Variants in MGAT4C observed in about 807,000 individuals in gnomAD.
MGAT4C encodes alpha-1,3-mannosyl-glycoprotein 4-beta-N-acetylglucosaminyltransferase C.
A neutral mutation model predicts 40.1 loss-of-function variants in MGAT4C; 19 were observed. The observed-to-expected ratio is 0.47, with a 90% CI of 0.33 to 0.70. The LOEUF (loss-of-function observed/expected upper bound fraction) is 0.70. Ranked by LOEUF, MGAT4C falls within the 30% of genes least tolerant of loss-of-function variation. The pLI is 0.02. For synonymous variants in MGAT4C, 181 were observed against 187.1 expected, an observed-to-expected ratio of 0.97 and a Z score of 0.27; for missense variants, 491 against 563.2, an observed-to-expected ratio of 0.87 and a Z score of 1.30.
At chr12:86,831,106 C>T (rs1346031900) in intron 1 of MGAT4C, among the ~76,000 whole-genome samples, 1 of 151,720 alleles carries the variant, frequency 6.6e-6, no homozygotes, top group Admixed American at 6.6e-5. Flanking sequence ...ATTGGAAACC[C>T]ATGAAGAGTA....
chr12:86,118,060 TTGAC>T (rs1878725290), intron 1 of MGAT4C, among the ~76,000 whole-genome samples: 1 of 152,188 alleles, frequency 6.6e-6, no homozygotes, highest in African/African-American at 2.4e-5. Context: ...CAAAGTAAGT[TTGAC>T]TAACTACCTT....
chr12:86,494,014 A>T (rs2136326469), intron 2 of MGAT4C, among the ~76,000 whole-genome samples: 1 of 152,084 alleles, frequency 6.6e-6, no homozygotes, highest in African/African-American at 2.4e-5. Flanking sequence ...ATCCTATTAT[A>T]ACTATACAAT....
intron 1 of MGAT4C, among the ~76,000 whole-genome samples, chr12:86,096,990 T>C (rs1479402722): frequency 1.3e-5 from 2 of 151,622 alleles, no homozygotes; most frequent in Non-Finnish European, 3.0e-5. Context: ...ACTATACATA[T>C]GTTGTAGGTT....
rs1354304128 is a variant in MGAT4C at position 85,958,418 on chromosome 12, T to C, written c.*20871A>G. ...CTAGGCAGTCAGAAATACCTGTATCTCAAATTCATTTAACTTTTCAATGAA... is the reference window on the plus strand; with the variant it reads ...CTAGGCAGTCAGAAATACCTGTATCCCAAATTCATTTAACTTTTCAATGAA... On this transcript the variant is annotated 3_prime_UTR_variant, in exon 5 of 5. Transcript: ENST00000611864. 1.3e-5 allele frequency: 2 copies of C among 152,226 alleles called. No individual in the cohort carries two copies. The highest frequency in any genetic ancestry group is 3.9e-4 in the East Asian group (2 of 5,184). 9.4% of individuals were successfully genotyped at this position (152,226 alleles called of 1,614,324 possible).
intron 2 of MGAT4C, among the ~76,000 whole-genome samples, chr12:86,684,704 AC>A (rs1379148870): frequency 6.6e-6 from 1 of 151,988 alleles, no homozygotes; most frequent in Non-Finnish European, 1.5e-5. Flanking sequence ...TTGTTTCCTG[AC>A]TTTTTAATGA....
At chr12:86,831,145 A>G (rs899949839) in intron 1 of MGAT4C, among the ~76,000 whole-genome samples, 10 of 151,710 alleles carry the variant, frequency 6.6e-5, no homozygotes, top group African/African-American at 2.4e-5. Flanking sequence ...TGCCATGTTA[A>G]TCTTCATTTC....
In MGAT4C at chr12:86,733,390, A is replaced by G. The variant is rs561174910; in HGVS notation, c.-261-6149T>C. On this transcript the variant is annotated intron_variant, in intron 1 of 7. Coordinates refer to the MGAT4C transcript ENST00000548651. ...GGGGAAGGCACAAGGCAGCCATAGC[A>G]AGTATCCTATGATCCCCGAGTAACA... Among the ~76,000 whole-genome samples, 94 of 152,212 alleles carry G rather than the reference A, an allele frequency of 6.2e-4. 2 individuals are homozygous for G. The South Asian group carries it at 0.019, about 31-fold the overall frequency.
At chr12:86,719,440 T>C (rs1298256556) in intron 2 of MGAT4C, among the ~76,000 whole-genome samples, 2 of 152,168 alleles carry the variant, frequency 1.3e-5, no homozygotes, top group African/African-American at 2.4e-5. Context: ...GGCTCACATA[T>C]AGAAGAACTG....
rs112033612 is a variant in MGAT4C at position 86,720,159 on chromosome 12, T to C, written c.-229+7050A>G. 7.0e-4 allele frequency among the ~76,000 whole-genome samples: 106 copies of C among 152,304 alleles called. 1 individual carries two copies. The highest frequency in any genetic ancestry group is 2.5e-3 in the African/African-American group (104 of 41,576). ...GATTTCTTTCCATTTTCTCTAAATATGACTTAAGATTAAATGTAAACTTTT... is the reference window on the plus strand; with the variant it reads ...GATTTCTTTCCATTTTCTCTAAATACGACTTAAGATTAAATGTAAACTTTT... On this transcript the variant is annotated intron_variant, in intron 2 of 7. Transcript: ENST00000548651.
chr12:86,068,696 C>T (rs1405789339), intron 1 of MGAT4C, among the ~76,000 whole-genome samples: 4 of 151,914 alleles, frequency 2.6e-5, no homozygotes, highest in Admixed American at 2.6e-4. Flanking sequence ...CCAATCTAAT[C>T]TATAGTCGAG....
rs753922903 is a variant in MGAT4C at position 86,095,825 on chromosome 12, C to T, written c.-56-46102G>A. Among the ~76,000 whole-genome samples, 30 of 151,618 alleles carry T rather than the reference C, an allele frequency of 2.0e-4. 1 individual carries two copies. Among genetic ancestry groups the T allele is most frequent in the Non-Finnish European group, 1.9e-4 (13 of 67,778 alleles). On this transcript the variant is annotated intron_variant, in intron 1 of 4. Coordinates refer to ENST00000611864, the MANE Select transcript of MGAT4C (RefSeq NM_001351288.2). ...TGTGATTTTTGATATTTGTGTTCAT[C>T]GTGTCAGAATATACAATCATTCCAT...
intron 1 of MGAT4C, among the ~76,000 whole-genome samples, chr12:86,102,930 A>G (rs1423385493): frequency 6.6e-6 from 1 of 152,198 alleles, no homozygotes; most frequent in Non-Finnish European, 1.5e-5. Context: ...GCACAAATGT[A>G]TCAGATATTT....
chr12:86,659,120 T>C (rs184835745), intron 2 of MGAT4C, among the ~76,000 whole-genome samples: 11 of 152,262 alleles, frequency 7.2e-5, no homozygotes, highest in Admixed American at 5.2e-4. Context: ...TATTACCTTA[T>C]ATAAAACAGC....
chr12:86,183,623 C>T (rs945374786), intron 1 of MGAT4C, among the ~76,000 whole-genome samples: 1 of 152,094 alleles, frequency 6.6e-6, no homozygotes, highest in Non-Finnish European at 1.5e-5. Context: ...TTTACTTCCC[C>T]CAGTTCTAGA....
chr12:85,985,009 A>G (rs113359819), intron 3 of MGAT4C, among the ~76,000 whole-genome samples: 4 of 152,214 alleles, frequency 2.6e-5, no homozygotes, highest in African/African-American at 9.6e-5. Flanking sequence ...CAAACTCCTG[A>G]CCTCAAGTGA....
chr12:86,264,551 G>C (rs1952738747), intron 4 of MGAT4C, among the ~76,000 whole-genome samples: 1 of 152,152 alleles, frequency 6.6e-6, no homozygotes, highest in Non-Finnish European at 1.5e-5. Flanking sequence ...TTCCGAGTTA[G>C]CTGGGCAGGA....
chr12:86,004,859 T>C lies in MGAT4C; in HGVS notation c.-6-15307A>G, dbSNP rs149908522. ...GCCATGGGTTCTGGGTTGCAATTTATGTAAACTGCTTATGCTCAGATGAAC... is the reference window on the plus strand; with the variant it reads ...GCCATGGGTTCTGGGTTGCAATTTACGTAAACTGCTTATGCTCAGATGAAC... On this transcript the variant is annotated intron_variant, in intron 2 of 4. Transcript: ENST00000611864. Among the ~76,000 whole-genome samples the C allele has an allele frequency of 2.6e-5, 4 of 152,322 alleles. 1 individual carries two copies. Among genetic ancestry groups the C allele is most frequent in the African/African-American group, 9.6e-5 (4 of 41,580 alleles).
intron 1 of MGAT4C, among the ~76,000 whole-genome samples, chr12:86,052,518 A>T (rs544390388): frequency 4.6e-5 from 7 of 152,130 alleles, no homozygotes; most frequent in Admixed American, 4.6e-4. Context: ...AGAAATGCAT[A>T]CTTCCTGTAT....
intron 1 of MGAT4C, among the ~76,000 whole-genome samples, chr12:86,159,292 T>C (rs149546270): frequency 3.9e-5 from 6 of 152,132 alleles, no homozygotes; most frequent in African/African-American, 9.6e-5. Flanking sequence ...GACGATTATA[T>C]TGTTTGATTT....
Sources: allele counts gnomAD v4.1 joint callset (sites outside exome capture counted in the v4.1 genomes callset), GRCh38; gene constraint gnomAD v4.1.1; transcripts MANE v1.5; gene names NCBI Gene and HGNC (gene_info 2026-07-23, HGNC 2026-07-21).